Variants in GLB1L2 observed in about 807,000 individuals in gnomAD.
GLB1L2 encodes the protein galactosidase beta 1 like 2, also known as beta-galactosidase-1-like protein 2.
GLB1L2 carries 68 observed loss-of-function variants against 84.1 expected under a neutral mutation model. That is an observed-to-expected ratio of 0.81 (90% CI 0.67 to 0.99). The LOEUF (loss-of-function observed/expected upper bound fraction) is 0.99. Ranked by LOEUF, GLB1L2 falls within the 50% of genes least tolerant of loss-of-function variation. The pLI, the probability that GLB1L2 is intolerant of heterozygous loss-of-function variation, is 0.00. For missense variants in GLB1L2, 762 were observed against 805.6 expected (o/e 0.95, Z 0.66); for synonymous variants, 290 against 318.0 (o/e 0.91, Z 0.94).
chr11:134,343,750 CCGA>C (rs1943504703), intron 2 of GLB1L2, among the ~76,000 whole-genome samples: 1 of 152,214 alleles, frequency 6.6e-6, no homozygotes, highest in South Asian at 2.1e-4. Flanking sequence ...AGAAGCAGCA[CCGA>C]CGACACTTGC....
chr11:134,356,368 C>A lies in GLB1L2; in HGVS notation c.626C>A (p.Pro209His), dbSNP rs1442130006. The change falls in exon 6 of 19, where the codon CCC (proline) becomes CAC (histidine). Residue 209 changes from proline to histidine, a missense_variant. This residue lies in a region of GLB1L2 where 603 missense variants were observed against 611.7 expected (regional missense o/e 0.99). Coordinates refer to ENST00000535456, the MANE Select transcript of GLB1L2 (RefSeq NM_001370461.1). ...ENEYGSYNKD[P>H]AYMPYVKKAL... is the part of the protein sequence containing the mutation. ...GAATATGGTTCCTATAATAAAGACCCCGCATACATGCCCTACGTCAAGAAG... is the reference window on the plus strand; with the variant it reads ...GAATATGGTTCCTATAATAAAGACCACGCATACATGCCCTACGTCAAGAAG... 6.2e-7 allele frequency: 1 copy of A among 1,613,314 alleles called. No individual in the cohort carries two copies. The highest frequency in any genetic ancestry group is 8.5e-7 in the Non-Finnish European group (1 of 1,179,408).
intron 6 of GLB1L2, among the ~76,000 whole-genome samples, chr11:134,357,381 C>T (rs541539785): frequency 1.0e-3 from 159 of 152,346 alleles, no homozygotes; most frequent in Middle Eastern, 3.4e-3. Flanking sequence ...GAAGCAAGGC[C>T]GTGTCCAGGA....
chr11:134,370,816 G>A lies in GLB1L2; in HGVS notation c.1216-192G>A, dbSNP rs1310369993. 6.6e-6 allele frequency among the ~76,000 whole-genome samples: 1 copy of A among 152,156 alleles called. No homozygotes were observed. Among genetic ancestry groups the A allele is most frequent in the Non-Finnish European group, 1.5e-5 (1 of 68,028 alleles). On this transcript the variant is annotated intron_variant, in intron 12 of 18. Coordinates refer to ENST00000535456, the MANE Select transcript of GLB1L2 (RefSeq NM_001370461.1). The surrounding 1 kb of genome is among the most constrained non-coding windows in gnomAD (Gnocchi z 4.7). Reference sequence around the variant, plus strand: ...CCCTGCCTGCGGACTGCACTCTGCTGGTGCACACCCCTTTGCCCCACTCCT... The same window carrying A: ...CCCTGCCTGCGGACTGCACTCTGCTAGTGCACACCCCTTTGCCCCACTCCT...
chr11:134,371,609 G>A (rs1008617507), intron 14 of GLB1L2, 117 bp downstream of exon 14: 10 of 1,017,170 alleles, frequency 9.8e-6, no homozygotes, highest in African/African-American at 9.5e-5. Flanking sequence ...AGCTGTAGGT[G>A]GAGAGGGCGA....
intron 1 of GLB1L2, among the ~76,000 whole-genome samples, chr11:134,335,273 G>A (rs1943366694): frequency 6.6e-6 from 1 of 151,378 alleles, no homozygotes; most frequent in Non-Finnish European, 1.5e-5. Context: ...GTCTTCCAAG[G>A]GTATGTGGCC....
intron 1 of GLB1L2, among the ~76,000 whole-genome samples, chr11:134,335,208 C>T (rs1943365241): frequency 6.8e-6 from 1 of 147,924 alleles, no homozygotes; most frequent in Non-Finnish European, 1.5e-5. Flanking sequence ...AACAAGGTGG[C>T]TAACTTAGCA....
intron 5 of GLB1L2, chr11:134,356,041 T>C (rs1179736856): frequency 1.3e-5 from 8 of 616,134 alleles, no homozygotes; most frequent in Non-Finnish European, 2.4e-5. Context: ...TTTGATTTGG[T>C]GGTCACTTGT....
chr11:134,334,898 C>T lies in GLB1L2; in HGVS notation c.86+2751C>T, dbSNP rs1321500608. On this transcript the variant is annotated intron_variant, in intron 1 of 18. Coordinates refer to ENST00000535456, the MANE Select transcript of GLB1L2 (RefSeq NM_001370461.1). The surrounding 1 kb of genome is among the most constrained non-coding windows in gnomAD (Gnocchi z 4.1). ...TTCGCACTCCATGAACACAAGAATG[C>T]CTGCTTGATATTATCTAAAGGCATG... Among the ~76,000 whole-genome samples the T allele has an allele frequency of 2.6e-5, 4 of 152,120 alleles. No individual in the cohort carries two copies. The highest frequency in any genetic ancestry group is 4.8e-5 in the African/African-American group (2 of 41,396).
intron 1 of GLB1L2, among the ~76,000 whole-genome samples, chr11:134,340,848 A>AT (rs1240436331): frequency 2.0e-5 from 3 of 152,094 alleles, no homozygotes; most frequent in East Asian, 1.9e-4. Context: ...TATGCTTTTG[A>AT]TTTTTTTCCA....
intron 2 of GLB1L2, among the ~76,000 whole-genome samples, chr11:134,344,050 G>A (rs764896084): frequency 1.2e-4 from 18 of 152,178 alleles, no homozygotes; most frequent in Non-Finnish European, 2.1e-4. Flanking sequence ...GATGATCACC[G>A]AGCTTTCCCC....
chr11:134,361,760 T>TC (rs1943793447), intron 7 of GLB1L2, among the ~76,000 whole-genome samples: 1 of 151,424 alleles, frequency 6.6e-6, no homozygotes, highest in South Asian at 2.1e-4. Flanking sequence ...TGGTGGGGGG[T>TC]CTGCTGCTTG....
chr11:134,361,431 G>A (rs887232397), intron 7 of GLB1L2: 4 of 152,302 alleles, frequency 2.6e-5, no homozygotes, highest in Non-Finnish European at 4.4e-5. Context: ...GGGCCTCGCG[G>A]ATGTGTATGA....
Position 134,359,050 on chromosome 11 carries a change from TC to T in GLB1L2, c.652-5del. 1 of 1,575,630 alleles carries T rather than the reference TC, an allele frequency of 6.3e-7. No homozygotes were observed. The highest frequency in any genetic ancestry group is 1.2e-5 in the South Asian group (1 of 84,938). On this transcript the variant is annotated splice_polypyrimidine_tract_variant and intron_variant, in intron 6 of 18. Coordinates refer to ENST00000535456, the MANE Select transcript of GLB1L2 (RefSeq NM_001370461.1). ...AGGGCAGACGAGGGCTTGTCTCATT[TC>T]CCCCACAGGCACTGGAGGACCGTGG...
chr11:134,373,096 G>A (rs970009008), intron 15 of GLB1L2, among the ~76,000 whole-genome samples: 1 of 152,116 alleles, frequency 6.6e-6, no homozygotes, highest in Non-Finnish European at 1.5e-5. Flanking sequence ...CTGCCATTTC[G>A]GAGTCTGTAG....
At position 134,364,308 on chromosome 11, in the gene GLB1L2, TCTC is replaced by T. The variant is rs1461225028; in HGVS notation, c.734-16_734-14del. The T allele has an allele frequency of 6.2e-7, 1 of 1,606,962 alleles. No homozygotes were observed. Among genetic ancestry groups the T allele is most frequent in the South Asian group, 1.1e-5 (1 of 90,706 alleles). ...TTTGAGACAGTGCTTTGTCTCTCTC[TCTC>T]CTCTTCCCTTTAACAGTCTTGGCCA... On this transcript the variant is annotated splice_polypyrimidine_tract_variant and intron_variant, in intron 7 of 18. Transcript: ENST00000535456.
intron 6 of GLB1L2, 28 bp downstream of exon 6, chr11:134,356,421 A>G: frequency 6.6e-7 from 1 of 1,525,522 alleles, no homozygotes; most frequent in Non-Finnish European, 9.1e-7. Context: ...GCGTTTCTTT[A>G]GATTCCTTCC....
intron 5 of GLB1L2, among the ~76,000 whole-genome samples, chr11:134,347,974 A>G (rs1288556372): frequency 1.3e-5 from 2 of 152,232 alleles, no homozygotes; most frequent in Non-Finnish European, 2.9e-5. Flanking sequence ...ACTATTCAAA[A>G]CATGCGTTAA....
intron 1 of GLB1L2, among the ~76,000 whole-genome samples, chr11:134,335,383 T>C (rs1192074430): frequency 6.6e-6 from 1 of 152,188 alleles, no homozygotes; most frequent in Non-Finnish European, 1.5e-5. Flanking sequence ...TCATATTTCA[T>C]GGAATGTTCA....
intron 7 of GLB1L2, chr11:134,359,514 A>T (rs537673004): frequency 5.7e-6 from 1 of 175,804 alleles, no homozygotes. Context: ...CCTGGCACCT[A>T]AGCCATTGTT....
Sources: allele counts gnomAD v4.1 joint callset (sites outside exome capture counted in the v4.1 genomes callset), GRCh38; gene constraint gnomAD v4.1.1; regional missense constraint gnomAD v4.1.1; non-coding constraint Gnocchi (gnomAD v3.1); transcripts MANE v1.5; gene names NCBI Gene and HGNC (gene_info 2026-07-23, HGNC 2026-07-21).